Variants in GRID1 observed in about 807,000 individuals in gnomAD.
The protein encoded by GRID1 is glutamate receptor ionotropic, delta-1.
Under a neutral mutation model 98.0 loss-of-function variants are expected in GRID1, and 28 were observed. The observed-to-expected ratio is 0.29, with a 90% CI of 0.21 to 0.39. The LOEUF is 0.39. GRID1 is among the 10% of genes least tolerant of loss of function. The probability of loss-of-function intolerance (pLI) is 1.00; values close to 1 mark genes in which losing one functional copy is unlikely to be tolerated. For synonymous variants in GRID1, 553 were observed against 538.5 expected, an observed-to-expected ratio of 1.03 and a Z score of -0.37; for missense variants, 1,111 against 1,340.5, an observed-to-expected ratio of 0.83 and a Z score of 2.67.
intron 3 of GRID1, among the ~76,000 whole-genome samples, chr10:86,203,091 G>A (rs986458458): frequency 6.6e-6 from 1 of 152,166 alleles, no homozygotes. Flanking sequence ...GACCTCAGAG[G>A]GATGTTGGGT....
intron 5 of GRID1, among the ~76,000 whole-genome samples, chr10:85,887,818 G>A (rs1419425946): frequency 6.6e-6 from 1 of 152,108 alleles, no homozygotes; most frequent in Non-Finnish European, 1.5e-5. Flanking sequence ...TGTCTAGCCC[G>A]AAGTTTTGCA....
intron 8 of GRID1, among the ~76,000 whole-genome samples, chr10:85,845,467 G>A (rs1379076871): frequency 6.6e-6 from 1 of 152,196 alleles, no homozygotes; most frequent in Non-Finnish European, 1.5e-5. Flanking sequence ...ATATTGGTAA[G>A]ACATTAACAC....
chr10:85,786,755 G>T (rs1321100074), intron 8 of GRID1, among the ~76,000 whole-genome samples: 2 of 152,148 alleles, frequency 1.3e-5, no homozygotes, highest in South Asian at 4.1e-4. Context: ...CCCACCCCCC[G>T]CCAGGACCCG....
At chr10:86,249,872 A>G (rs138061399) in intron 2 of GRID1, among the ~76,000 whole-genome samples, 2 of 152,332 alleles carry the variant, frequency 1.3e-5, no homozygotes, top group African/African-American at 2.4e-5. Context: ...TCAATGTTTG[A>G]TAAATGGATG....
chr10:86,014,371 A>C (rs1043300207), intron 4 of GRID1, among the ~76,000 whole-genome samples: 2 of 152,238 alleles, frequency 1.3e-5, no homozygotes, highest in East Asian at 3.8e-4. Context: ...ATATTAATGC[A>C]TAGGCTGAGC....
At chr10:86,119,025 A>C (rs1191211478) in intron 4 of GRID1, among the ~76,000 whole-genome samples, 1 of 152,140 alleles carries the variant, frequency 6.6e-6, no homozygotes, top group African/African-American at 2.4e-5. Context: ...ACAAAACAAA[A>C]GGACATTCAG....
At chr10:85,917,334 T>A (rs1284097351) in intron 4 of GRID1, among the ~76,000 whole-genome samples, 1 of 152,044 alleles carries the variant, frequency 6.6e-6, no homozygotes, top group Non-Finnish European at 1.5e-5. Context: ...ATGCTCAACA[T>A]CCCATAATCC....
At chr10:85,608,794 G>C (rs897423101) in intron 15 of GRID1, among the ~76,000 whole-genome samples, 3 of 152,314 alleles carry the variant, frequency 2.0e-5, no homozygotes, top group Middle Eastern at 3.4e-3. Context: ...ATCTGGTTTT[G>C]AGATACACAG....
chr10:85,965,457 G>GA (rs965023158), intron 4 of GRID1, among the ~76,000 whole-genome samples: 4 of 152,080 alleles, frequency 2.6e-5, no homozygotes, highest in African/African-American at 4.8e-5. Flanking sequence ...TATGCAGCCA[G>GA]AAAAAAAGAT....
At chr10:85,679,014 T>A (rs1047405218) in intron 12 of GRID1, among the ~76,000 whole-genome samples, 1 of 152,228 alleles carries the variant, frequency 6.6e-6, no homozygotes, top group Non-Finnish European at 1.5e-5. Context: ...CAAACAACAC[T>A]GATGATTTAA....
intron 12 of GRID1, among the ~76,000 whole-genome samples, chr10:85,703,846 C>T (rs1227588841): frequency 6.6e-6 from 1 of 151,986 alleles, no homozygotes; most frequent in Non-Finnish European, 1.5e-5. Flanking sequence ...TACAATTTGG[C>T]ATGTTTTTGC....
chr10:85,624,851 C>T (rs375993755), intron 13 of GRID1, among the ~76,000 whole-genome samples: 4 of 151,876 alleles, frequency 2.6e-5, no homozygotes, highest in African/African-American at 4.8e-5. Context: ...AAATGCATGA[C>T]AAATATTCTA....
chr10:85,705,221 A>T lies in GRID1; in HGVS notation c.1997+17782T>A, dbSNP rs1036293466. 2.0e-5 allele frequency among the ~76,000 whole-genome samples: 3 copies of T among 152,326 alleles called. No individual in the cohort carries two copies. In the East Asian group the frequency reaches 5.8e-4, roughly 29 times the overall value. ...AGATCAACAAAATTGATAGACTCCTAGCAAGACTAATAAAGAAGAAAAGAG... is the reference window on the plus strand; with the variant it reads ...AGATCAACAAAATTGATAGACTCCTTGCAAGACTAATAAAGAAGAAAAGAG... On this transcript the variant is annotated intron_variant, in intron 12 of 15. Transcript: ENST00000327946.
chr10:85,746,200 T>C (rs1841995057), intron 8 of GRID1, among the ~76,000 whole-genome samples: 4 of 152,202 alleles, frequency 2.6e-5, no homozygotes, highest in Admixed American at 1.3e-4. Context: ...AAGAGCTTCA[T>C]CTGTACCTCA....
chr10:86,112,611 G>T (rs1417151932), intron 4 of GRID1, among the ~76,000 whole-genome samples: 1 of 152,048 alleles, frequency 6.6e-6, no homozygotes, highest in African/African-American at 2.4e-5. Context: ...GCAGGGGTGG[G>T]GGTGGGGGTT....
chr10:86,338,842 G>C (rs2883126), intron 2 of GRID1, among the ~76,000 whole-genome samples: 103,498 of 151,996 alleles, frequency 0.68, 37,521 homozygotes, highest in Non-Finnish European at 0.82. Context: ...ACAGGTGTGA[G>C]CCACCGCGCC....
chr10:86,023,597 T>C (rs917332429), intron 4 of GRID1, among the ~76,000 whole-genome samples: 12 of 152,080 alleles, frequency 7.9e-5, no homozygotes, highest in African/African-American at 2.9e-4. Context: ...TTGCTGACAA[T>C]ACCTGCACAC....
At chr10:86,086,026 C>T (rs117784587) in intron 4 of GRID1, among the ~76,000 whole-genome samples, 5,998 of 152,220 alleles carry the variant, frequency 0.039, 136 homozygotes, top group Middle Eastern at 0.061. Flanking sequence ...GTCCTTTGCA[C>T]TCACTGTCCC....
At chr10:86,277,599 T>C (rs1049924871) in intron 2 of GRID1, among the ~76,000 whole-genome samples, 1 of 152,252 alleles carries the variant, frequency 6.6e-6, no homozygotes, top group Non-Finnish European at 1.5e-5. Context: ...TAGTTGTGTA[T>C]GCTGTTGAAG....
Sources: gnomAD v4.1 joint callset for allele counts (sites outside exome capture counted in the v4.1 genomes callset) on GRCh38, gnomAD v4.1.1 for gene constraint, MANE v1.5 for transcripts, NCBI Gene and HGNC (gene_info 2026-07-23, HGNC 2026-07-21) for gene names.